RCBTB1: variants seen among roughly 807,000 people sequenced by gnomAD.
RCBTB1 encodes the protein RCC1 and BTB domain containing protein 1.
Under a neutral mutation model 62.4 loss-of-function variants are expected in RCBTB1, and 46 were observed. That is an observed-to-expected ratio of 0.74 (90% CI 0.58 to 0.94). The LOEUF (loss-of-function observed/expected upper bound fraction) is 0.94. Among genes scored for constraint, RCBTB1 ranks in the 40% least tolerant of loss-of-function variants. The pLI is 0.00. For synonymous variants in RCBTB1, 222 were observed against 245.8 expected, an observed-to-expected ratio of 0.90 and a Z score of 0.91; for missense variants, 565 against 654.9, an observed-to-expected ratio of 0.86 and a Z score of 1.50.
chr13:49,568,283 C>T (rs1345729038), intron 2 of RCBTB1, among the ~76,000 whole-genome samples: 1 of 152,130 alleles, frequency 6.6e-6, no homozygotes, highest in African/African-American at 2.4e-5. Context: ...AGCAATTTAC[C>T]TTATTTTCTA....
In RCBTB1 at chr13:49,578,379, C is replaced by T. The variant is rs1963909563; in HGVS notation, c.-42+2126G>A. Among the ~76,000 whole-genome samples the T allele has an allele frequency of 1.3e-5, 2 of 152,192 alleles. 1 individual carries two copies. The highest frequency in any genetic ancestry group is 4.1e-4 in the South Asian group (2 of 4,828). ...TGCAATTTGAGGCTGGTTGAATCCACAGATGTGGAATCCATGGATACAGAG... is the reference window on the plus strand; with the variant it reads ...TGCAATTTGAGGCTGGTTGAATCCATAGATGTGGAATCCATGGATACAGAG... On this transcript the variant is annotated intron_variant, in intron 2 of 12. Coordinates refer to ENST00000378302, the MANE Select transcript of RCBTB1 (RefSeq NM_018191.4).
At chr13:49,578,407 C>T (rs993739836) in intron 2 of RCBTB1, among the ~76,000 whole-genome samples, 10 of 152,202 alleles carry the variant, frequency 6.6e-5, no homozygotes, top group African/African-American at 2.2e-4. Flanking sequence ...ATACAGAGAG[C>T]TGACTTTAAT....
At position 49,549,573 on chromosome 13, in the gene RCBTB1, C is replaced by A. The variant is rs772592456; in HGVS notation, c.930G>T (p.Trp310Cys). The A allele has an allele frequency of 3.7e-6, 6 of 1,614,154 alleles. No homozygotes were observed. Among genetic ancestry groups the A allele is most frequent in the Non-Finnish European group, 4.2e-6 (5 of 1,180,022 alleles). ...TCACGGACTGACCCCGGCACTGGCC[C>A]CACATGTACACGTGCCCACCCTGCG... Reference protein sequence around the residue: ...AKTQGGHVYMWGQCRGQSVIL... With the variant: ...AKTQGGHVYMCGQCRGQSVIL... Residue 310 changes from tryptophan to cysteine, a missense_variant, in exon 9 of 13, where the codon TGG (tryptophan) becomes TGT (cysteine). Trp to Cys is a radical substitution (Grantham distance 215, BLOSUM62 -2). Transcript: ENST00000378302.
intron 3 of RCBTB1, 108 bp from the exon 4 acceptor site, chr13:49,566,876 G>A (rs887240841): frequency 8.5e-6 from 9 of 1,062,974 alleles, no homozygotes; most frequent in African/African-American, 6.4e-5. Context: ...CTCAGGAGGT[G>A]AAAAGAGACT....
chr13:49,581,057 AAGTC>A (rs1964066149), intron 1 of RCBTB1, among the ~76,000 whole-genome samples: 1 of 152,322 alleles, frequency 6.6e-6, no homozygotes, highest in Admixed American at 6.5e-5. Context: ...AACTGAAAGA[AAGTC>A]AGCATGGCTG....
At chr13:49,536,099 A>G (rs1959918244) in intron 12 of RCBTB1, among the ~76,000 whole-genome samples, 1 of 152,060 alleles carries the variant, frequency 6.6e-6, no homozygotes, top group Non-Finnish European at 1.5e-5. Context: ...CACTTTATAC[A>G]CTCATGAAAA....
chr13:49,566,670 C>A lies in RCBTB1; in HGVS notation c.225G>T (p.Lys75Asn), dbSNP rs1353527973. ...PKKLEGLCGK[K>N]IKSLSYGSGP... ...CACTCCCGTAACTGAGGCTTTTAAT[C>A]TTCTTTCCACATAAGCCTTCTAGCT... Residue 75 changes from lysine to asparagine, a missense_variant, in exon 4 of 13, where the codon AAG (lysine) becomes AAT (asparagine). By Grantham distance (94) the Lys-to-Asn change is moderately conservative. Coordinates refer to ENST00000378302, the MANE Select transcript of RCBTB1 (RefSeq NM_018191.4). 1.9e-6 allele frequency: 3 copies of A among 1,614,068 alleles called. No individual in the cohort carries two copies. The highest frequency in any genetic ancestry group is 1.7e-5 in the Admixed American group (1 of 59,996).
intron 5 of RCBTB1, among the ~76,000 whole-genome samples, chr13:49,556,379 A>G (rs1431130973): frequency 2.0e-5 from 3 of 151,904 alleles, no homozygotes. Flanking sequence ...TTTAGTAGAG[A>G]TGGGGTTTCA....
At chr13:49,558,738 CA>C (rs1308021428) in intron 5 of RCBTB1, among the ~76,000 whole-genome samples, 2 of 147,030 alleles carry the variant, frequency 1.4e-5, no homozygotes, top group Non-Finnish European at 3.0e-5. Context: ...AGACAATAAC[CA>C]TACAAATGCA....
At position 49,559,994 on chromosome 13, in the gene RCBTB1, G is replaced by A. The variant is rs1297439796; in HGVS notation, c.368C>T (p.Thr123Ile). The A allele has an allele frequency of 1.9e-6, 3 of 1,614,042 alleles. No homozygotes were observed. The highest frequency in any genetic ancestry group is 2.5e-6 in the Non-Finnish European group (3 of 1,180,022). ...CACCACTTGCTTGATCAAGAGATTG[G>A]TACAGACCTGGACGGGAGCAATGCC... is the stretch of plus-strand genomic sequence containing the variant. The part of the protein sequence containing the change: ...NQGIAPVQVC[T>I]NLLIKQVVEV... Residue 123 changes from threonine to isoleucine, a missense_variant, in exon 5 of 13, where the codon ACC becomes ATC. Transcript: ENST00000378302.
chr13:49,549,087 G>A (rs1961086769), intron 9 of RCBTB1, among the ~76,000 whole-genome samples: 2 of 135,146 alleles, frequency 1.5e-5, no homozygotes, highest in South Asian at 5.1e-4. Flanking sequence ...AGCCGAGATT[G>A]CACCACTGCA....
intron 2 of RCBTB1, among the ~76,000 whole-genome samples, chr13:49,569,093 G>C (rs1377333733): frequency 1.3e-5 from 2 of 152,000 alleles, no homozygotes; most frequent in African/African-American, 4.8e-5. Context: ...TGGCAGAGTC[G>C]GGATCTGCAC....
chr13:49,537,594 C>A (rs542476835), intron 12 of RCBTB1, among the ~76,000 whole-genome samples: 1 of 152,338 alleles, frequency 6.6e-6, no homozygotes, highest in South Asian at 2.1e-4. Flanking sequence ...CTGGAAAGTT[C>A]TCTACTCTGG....
rs780658339 is a variant in RCBTB1, at chr13:49,534,158, A to G, written c.1560T>C (p.Ile520=). ...AGGCTCCACATTTACTGGCTTTAGC[A>G]ATGAATTCCTTTAGCAGAGGGCCAT... The part of the protein sequence containing the change: ...QMDGPLLKEF[I]AKASKCGAFK... Residue 520 remains isoleucine (I), a synonymous_variant, in exon 13 of 13, where the codon ATT becomes ATC. Coordinates refer to ENST00000378302, the MANE Select transcript of RCBTB1 (RefSeq NM_018191.4). 16 of 1,614,176 alleles carry G rather than the reference A, an allele frequency of 9.9e-6. No homozygotes were observed. Among genetic ancestry groups the G allele is most frequent in the Non-Finnish European group, 1.3e-5 (15 of 1,180,016 alleles).
intron 9 of RCBTB1, among the ~76,000 whole-genome samples, chr13:49,545,711 G>T (rs1319719511): frequency 6.6e-6 from 1 of 152,140 alleles, no homozygotes. Flanking sequence ...GAATCAAGCT[G>T]CTATGGATAC....
chr13:49,567,371 ACTTTC>A lies in RCBTB1; in HGVS notation c.-41-56_-41-52del. The A allele has an allele frequency of 5.7e-6, 8 of 1,411,770 alleles. No individual in the cohort carries two copies. In the Admixed American group the frequency reaches 8.3e-5, roughly 15 times the overall value. 87.5% of individuals were successfully genotyped at this position (1,411,770 alleles called of 1,614,324 possible). On this transcript the variant is annotated intron_variant, in intron 2 of 12. Coordinates refer to ENST00000378302, the MANE Select transcript of RCBTB1 (RefSeq NM_018191.4). ...AAAAAATTAAATAGTCACTGAGCTA[ACTTTC>A]AAAAAAAAGACCTGTTAATAAATAC...
At chr13:49,541,203 C>T (rs889221378) in intron 11 of RCBTB1, among the ~76,000 whole-genome samples, 197 bp from the exon 12 acceptor site, 34 of 152,168 alleles carry the variant, frequency 2.2e-4, no homozygotes, top group African/African-American at 7.7e-4. Flanking sequence ...TTACTTTATA[C>T]AATTTCTTCA....
chr13:49,583,311 C>T (rs1019468558), intron 1 of RCBTB1, among the ~76,000 whole-genome samples: 44 of 151,938 alleles, frequency 2.9e-4, no homozygotes, highest in South Asian at 2.3e-3. Flanking sequence ...AGCTGGAGAC[C>T]GTAAGTCTTT....
Position 49,566,712 on chromosome 13 carries a change from A to G in RCBTB1, c.183T>C (p.Ser61=). 1 of 1,613,894 alleles carries G rather than the reference A, an allele frequency of 6.2e-7. No individual in the cohort carries two copies. Among genetic ancestry groups the G allele is most frequent in the Non-Finnish European group, 8.5e-7 (1 of 1,179,864 alleles). ...CTTCTAGCTTTTTGGGTACAAGTGTACTCTGGTTATCTCCAGTTCCTAGAC... is the reference window on the plus strand; with the variant it reads ...CTTCTAGCTTTTTGGGTACAAGTGTGCTCTGGTTATCTCCAGTTCCTAGAC... ...SNCLGTGDNQ[S]TLVPKKLEGL... The change falls in exon 4 of 13, where the codon AGT becomes AGC. Residue 61 remains serine, a synonymous_variant. Coordinates refer to ENST00000378302, the MANE Select transcript of RCBTB1 (RefSeq NM_018191.4).
Sources: gnomAD v4.1 joint callset for allele counts (sites outside exome capture counted in the v4.1 genomes callset) on GRCh38, gnomAD v4.1.1 for gene constraint, MANE v1.5 for transcripts, NCBI Gene and HGNC (gene_info 2026-07-23, HGNC 2026-07-21) for gene names.